The following GTF2H5 variants were observed in gnomAD, a reference collection of about 807,000 sequenced individuals.
GTF2H5 encodes TFB5 ortholog.
In GTF2H5, 5 loss-of-function variants were observed where a neutral mutation model predicts 7.1. That is an observed-to-expected ratio of 0.71 (90% confidence interval 0.37 to 1.49). The LOEUF (loss-of-function observed/expected upper bound fraction) is 1.49, where lower values mean the gene tolerates loss of function less well. Ranked by LOEUF, GTF2H5 falls within the 40% of genes most tolerant of loss-of-function variation. GTF2H5 has a pLI of 0.03. For missense variants in GTF2H5, 80 were observed against 83.0 expected, an observed-to-expected ratio of 0.96 and a Z score of 0.14; for synonymous variants, 30 against 31.7, an observed-to-expected ratio of 0.95 and a Z score of 0.18.
At position 158,169,438 on chromosome 6, in the gene GTF2H5, TATATATA is replaced by T. The variant is rs1306226577; in HGVS notation, c.-34-1031_-34-1025del. On this transcript the variant is annotated intron_variant, in intron 1 of 2. Coordinates refer to ENST00000607778, the MANE Select transcript of GTF2H5 (RefSeq NM_207118.3). ...ATATTATATATAATATATTGTATATTATATATATTATATATTATATATATTATATTGT... is the reference window on the plus strand; with the variant it reads ...ATATTATATATAATATATTGTATATTTTATATATTATATATATTATATTGT... Among the ~76,000 whole-genome samples, 9 of 63,162 alleles carry T rather than the reference TATATATA, an allele frequency of 1.4e-4. 2 individuals carry two copies. The highest frequency in any genetic ancestry group is 5.0e-4 in the African/African-American group (5 of 10,082). 41.4% of individuals were successfully genotyped at this position (63,162 alleles called of 152,430 possible).
Position 158,192,244 on chromosome 6 carries a change from A to C in GTF2H5, c.*87A>C. 9 of 1,057,752 alleles carry C rather than the reference A, an allele frequency of 8.5e-6. No homozygotes were observed. The highest frequency in any genetic ancestry group is 1.3e-5 in the Non-Finnish European group (9 of 686,592). 65.5% of individuals were successfully genotyped at this position (1,057,752 alleles called of 1,614,324 possible). On this transcript the variant is annotated 3_prime_UTR_variant, in exon 3 of 3. Coordinates refer to ENST00000607778, the MANE Select transcript of GTF2H5 (RefSeq NM_207118.3). ...ATATCTTAGGTGACTGATTAGACAT[A>C]GAGGGTTGTTTTAGGAGCATGCCAC... is the stretch of plus-strand genomic sequence containing the variant.
At chr6:158,182,334 A>G (rs1412468002) in intron 2 of GTF2H5, among the ~76,000 whole-genome samples, 1 of 152,188 alleles carries the variant, frequency 6.6e-6, no homozygotes, top group Non-Finnish European at 1.5e-5. Flanking sequence ...AACCTTGGTG[A>G]ATCTGACAAT....
chr6:158,180,753 CTCTT>C (rs1473731866), intron 2 of GTF2H5, among the ~76,000 whole-genome samples: 1 of 150,944 alleles, frequency 6.6e-6, no homozygotes, highest in Non-Finnish European at 1.5e-5. Context: ...TGATTTTTCT[CTCTT>C]TCTTCTTTAT....
In GTF2H5 at chr6:158,197,552, G is replaced by A. The variant is rs1335638047; in HGVS notation, c.*5395G>A. On this transcript the variant is annotated 3_prime_UTR_variant, in exon 3 of 3. Transcript: ENST00000607778. The stretch of plus-strand genomic sequence containing the variant: ...AGATTGATCAAGAGCAAAGGTCATG[G>A]TAACAGTTTTTTGGATCCTCAAGTC... 2 of 152,156 alleles carry A rather than the reference G, an allele frequency of 1.3e-5. No individual in the cohort carries two copies. Among genetic ancestry groups the A allele is most frequent in the South Asian group, 2.1e-4 (1 of 4,828 alleles). The allele number at this position is 152,156 out of a possible 1,614,324, so 9.4% of individuals were successfully genotyped here.
chr6:158,168,529 C>T (rs1031482545), intron 1 of GTF2H5, 134 bp downstream of exon 1: 2 of 152,420 alleles, frequency 1.3e-5, no homozygotes, highest in East Asian at 1.9e-4. Flanking sequence ...GCGGTGTCCC[C>T]CACTCTCTCC....
At chr6:158,184,569 G>A (rs985876514) in intron 2 of GTF2H5, among the ~76,000 whole-genome samples, 5 of 152,064 alleles carry the variant, frequency 3.3e-5, no homozygotes, top group African/African-American at 1.2e-4. Context: ...AATGTTCTGG[G>A]CTCTAATCTA....
intron 1 of GTF2H5, among the ~76,000 whole-genome samples, chr6:158,169,751 A>AATATATTGTATATTATATATTATATG (rs1562469429): frequency 1.8e-5 from 1 of 56,634 alleles, no homozygotes; most frequent in East Asian, 5.8e-4. Flanking sequence ...TATATTATAT[A>AATATATTGTATATTATATATTATATG]ATATATTGTA....
chr6:158,185,133 TAAAC>T (rs201852467), intron 2 of GTF2H5, among the ~76,000 whole-genome samples: 18,477 of 151,262 alleles, frequency 0.12, 1,264 homozygotes, highest in Middle Eastern at 0.16. Context: ...AAATGTCCCT[TAAAC>T]TTTGAGTGTC....
chr6:158,174,952 GCC>G (rs1785909032), intron 2 of GTF2H5, among the ~76,000 whole-genome samples: 1 of 151,080 alleles, frequency 6.6e-6, no homozygotes, highest in South Asian at 2.1e-4. Flanking sequence ...CTCAGCCTTT[GCC>G]TCTTAGTAGG....
At position 158,198,256 on chromosome 6, in the gene GTF2H5, C is replaced by T. The variant is rs141364510; in HGVS notation, c.*6099C>T. The T allele has an allele frequency of 6.6e-6, 1 of 152,306 alleles. No homozygotes were observed. Among genetic ancestry groups the T allele is most frequent in the East Asian group, 1.9e-4 (1 of 5,188 alleles). The allele number at this position is 152,306 out of a possible 1,614,324, so 9.4% of individuals were successfully genotyped here. A position where few individuals can be genotyped will look rare whatever the true frequency, so the allele number is the denominator to read the frequency against. The stretch of plus-strand genomic sequence containing the variant: ...ATGCTTTCATTGATCTCAAAACTGT[C>T]TCTGAGTAACTCTACCAGGAAAGTT... On this transcript the variant is annotated 3_prime_UTR_variant, in exon 3 of 3. Transcript: ENST00000607778.
chr6:158,181,778 A>G (rs1172243540), intron 2 of GTF2H5, among the ~76,000 whole-genome samples: 3 of 151,714 alleles, frequency 2.0e-5, no homozygotes, highest in African/African-American at 4.8e-5. Context: ...GTCTTTGCAC[A>G]TTAGATGGGT....
At chr6:158,183,746 A>C (rs1171720663) in intron 2 of GTF2H5, among the ~76,000 whole-genome samples, 1 of 152,160 alleles carries the variant, frequency 6.6e-6, no homozygotes, top group Non-Finnish European at 1.5e-5. Context: ...CTTGTTGCGA[A>C]GACAGTGGGA....
At chr6:158,170,225 A>G (rs1311839176) in intron 1 of GTF2H5, among the ~76,000 whole-genome samples, 5 of 152,110 alleles carry the variant, frequency 3.3e-5, no homozygotes, top group Admixed American at 3.3e-4. Flanking sequence ...TCTTGCTTCT[A>G]TTAGGGCTAA....
chr6:158,192,106 G>T lies in GTF2H5; in HGVS notation c.165G>T (p.Glu55Asp), dbSNP rs1777038718. Residue 55 changes from glutamate to aspartate, a missense_variant, in exon 3 of 3, where the codon GAG (glutamate) becomes GAT (aspartate). Physicochemically the swap from Glu to Asp is conservative, Grantham distance 45. Coordinates refer to ENST00000607778, the MANE Select transcript of GTF2H5 (RefSeq NM_207118.3). ...VIAELVNVLQERVGELMDQNA... is the reference protein window; with the variant it reads ...VIAELVNVLQDRVGELMDQNA... ...CAGAATTGGTTAATGTCCTCCAGGA[G>T]CGAGTGGGTGAATTAATGGACCAAA... The T allele has an allele frequency of 1.2e-6, 2 of 1,613,738 alleles. No individual in the cohort carries two copies. Among genetic ancestry groups the T allele is most frequent in the Non-Finnish European group, 1.7e-6 (2 of 1,179,948 alleles).
chr6:158,169,373 GTA>G (rs1310095382), intron 1 of GTF2H5, among the ~76,000 whole-genome samples: 1 of 87,450 alleles, frequency 1.1e-5, no homozygotes, highest in African/African-American at 5.1e-5. Flanking sequence ...TATATAATAT[GTA>G]TATTATATAT....
At chr6:158,169,772 A>ATATAATATATTGTATATT (rs1187068824) in intron 1 of GTF2H5, among the ~76,000 whole-genome samples, 1 of 53,952 alleles carries the variant, frequency 1.9e-5, no homozygotes, top group East Asian at 6.9e-4. Flanking sequence ...TATTATATAT[A>ATATAATATATTGTATATT]ATATATTGTA....
chr6:158,191,958 CAT>C lies in GTF2H5; in HGVS notation c.36-18_36-17del, dbSNP rs746080673. The C allele has an allele frequency of 9.4e-6, 15 of 1,603,308 alleles. No individual in the cohort carries two copies. Among genetic ancestry groups the C allele is most frequent in the Non-Finnish European group, 8.5e-6 (10 of 1,170,226 alleles). On this transcript the variant is annotated splice_polypyrimidine_tract_variant and intron_variant, in intron 2 of 2. Coordinates refer to ENST00000607778, the MANE Select transcript of GTF2H5 (RefSeq NM_207118.3). Reference sequence around the variant, plus strand: ...ATTTGACAACAAGCTGTCTTACAATCATGTGTTTGTCTTTACAGTGATCCTGC... The same window carrying C: ...ATTTGACAACAAGCTGTCTTACAATCGTGTTTGTCTTTACAGTGATCCTGC...
At chr6:158,170,715 T>C (rs1175624636) in intron 2 of GTF2H5, among the ~76,000 whole-genome samples, 177 bp downstream of exon 2, 1 of 152,202 alleles carries the variant, frequency 6.6e-6, no homozygotes, top group Admixed American at 6.5e-5. Context: ...AGTCCCTCTG[T>C]TGAATTGATG....
intron 2 of GTF2H5, among the ~76,000 whole-genome samples, chr6:158,188,878 C>T (rs1435433556): frequency 6.6e-6 from 1 of 152,016 alleles, no homozygotes; most frequent in Non-Finnish European, 1.5e-5. Flanking sequence ...ACCACAGACT[C>T]CCAAGCTATC....
Sources: gnomAD v4.1 joint callset for allele counts (sites outside exome capture counted in the v4.1 genomes callset) on GRCh38, gnomAD v4.1.1 for gene constraint, MANE v1.5 for transcripts, NCBI Gene and HGNC (gene_info 2026-07-23, HGNC 2026-07-21) for gene names.